CHM: variants seen among roughly 807,000 people sequenced by gnomAD.
CHM encodes CHM Rab escort protein.
A neutral mutation model predicts 49.0 loss-of-function variants in CHM; 10 were observed. The observed-to-expected ratio is 0.20, with a 90% CI of 0.13 to 0.35. The LOEUF (loss-of-function observed/expected upper bound fraction) is 0.35, where lower values mean the gene tolerates loss of function less well. CHM is among the 10% of genes least tolerant of loss of function. CHM has a pLI of 1.00. For synonymous variants in CHM, 184 were observed against 167.5 expected, an observed-to-expected ratio of 1.10 and a Z score of -0.76; for missense variants, 455 against 478.4, an observed-to-expected ratio of 0.95 and a Z score of 0.46.
At chrX:85,916,586 A>G (rs763020116) in intron 8 of CHM, among the ~76,000 whole-genome samples, 1 of 112,222 alleles carries the variant, frequency 8.9e-6, no homozygotes, top group East Asian at 2.8e-4. Flanking sequence ...TAAGGAACTT[A>G]AAGTAATTTA....
chrX:85,911,450 T>C (rs1011725830), intron 8 of CHM, 112 bp from the exon 9 acceptor site: 1 of 317,232 alleles, frequency 3.2e-6, no homozygotes, highest in Non-Finnish European at 6.0e-6. Flanking sequence ...GAAAAAACAT[T>C]TTGATAATGT....
rs891277950 is a variant in CHM at position 85,942,659 on chromosome X, T to G, written c.1166+13494A>C. Among the ~76,000 whole-genome samples, 44 of 111,109 alleles carry G rather than the reference T, an allele frequency of 4.0e-4. 1 individual carries two copies. The highest frequency in any genetic ancestry group is 1.3e-3 in the African/African-American group (41 of 30,610). The stretch of plus-strand genomic sequence containing the variant: ...TCAAATCTACCCATTTGACGCAGGG[T>G]CAGTTTCTGCACCTAGATTTAGCTA... On this transcript the variant is annotated intron_variant, in intron 8 of 14. Transcript: ENST00000357749.
chrX:85,989,490 T>C (rs1932076055), intron 2 of CHM, among the ~76,000 whole-genome samples: 1 of 111,635 alleles, frequency 9.0e-6, no homozygotes, highest in Non-Finnish European at 1.9e-5. Flanking sequence ...AAAGCAAAAA[T>C]TGACAAGTGG....
At chrX:85,914,671 C>A (rs1032172401) in intron 8 of CHM, among the ~76,000 whole-genome samples, 2 of 111,098 alleles carry the variant, frequency 1.8e-5, no homozygotes, top group Admixed American at 9.6e-5. Context: ...CTTCCCTCAG[C>A]GATACCATTG....
chrX:85,962,680 C>T (rs73630485), intron 5 of CHM, among the ~76,000 whole-genome samples: 1,346 of 111,740 alleles, frequency 0.012, 16 homozygotes, highest in African/African-American at 0.041. Context: ...TTATTGTTAG[C>T]TCTCAACTTA....
At chrX:86,006,026 G>C (rs377232048) in intron 2 of CHM, among the ~76,000 whole-genome samples, 1 of 111,384 alleles carries the variant, frequency 9.0e-6, no homozygotes, top group East Asian at 2.8e-4. Flanking sequence ...AAAATACTGG[G>C]AAACCGAATA....
chrX:85,929,904 C>G (rs1176171160), intron 8 of CHM, among the ~76,000 whole-genome samples: 1 of 109,810 alleles, frequency 9.1e-6, no homozygotes, highest in African/African-American at 3.3e-5. Flanking sequence ...GAGTTCGAGA[C>G]CAGCCTGGCC....
intron 8 of CHM, among the ~76,000 whole-genome samples, chrX:85,928,278 C>G (rs1488467105): frequency 2.7e-5 from 3 of 112,065 alleles, no homozygotes; most frequent in Non-Finnish European, 3.8e-5. Context: ...CGCGGTGGCT[C>G]AGGCCTGTAG....
At chrX:86,005,037 A>G (rs949278179) in intron 2 of CHM, among the ~76,000 whole-genome samples, 1 of 112,286 alleles carries the variant, frequency 8.9e-6, no homozygotes, top group Non-Finnish European at 1.9e-5. Context: ...AGCAAATGTA[A>G]AAGAACAGAA....
At chrX:85,876,366 G>T (rs1924413664) in intron 13 of CHM, among the ~76,000 whole-genome samples, 1 of 111,658 alleles carries the variant, frequency 9.0e-6, no homozygotes, top group Non-Finnish European at 1.9e-5. Flanking sequence ...AAAGCATAAG[G>T]TATTATATGA....
chrX:85,928,998 G>C (rs1434084847), intron 8 of CHM, among the ~76,000 whole-genome samples: 3 of 111,753 alleles, frequency 2.7e-5, no homozygotes, highest in Non-Finnish European at 5.6e-5. Context: ...CTATATAAAA[G>C]CAATAAAGCA....
chrX:85,915,556 T>C (rs991762287), intron 8 of CHM, among the ~76,000 whole-genome samples: 3 of 112,047 alleles, frequency 2.7e-5, no homozygotes, highest in Non-Finnish European at 5.6e-5. Context: ...AACCCCATAG[T>C]CTCAGCCAAA....
chrX:86,023,501 T>C (rs1933688478), intron 2 of CHM, among the ~76,000 whole-genome samples: 1 of 111,538 alleles, frequency 9.0e-6, no homozygotes, highest in Non-Finnish European at 1.9e-5. Context: ...ACTGAGTTAG[T>C]TGTCCCCCTA....
chrX:85,920,911 C>T (rs1231860010), intron 8 of CHM, among the ~76,000 whole-genome samples: 1 of 112,041 alleles, frequency 8.9e-6, no homozygotes, highest in East Asian at 2.8e-4. Context: ...AAAATTATTA[C>T]AAAGAGTAAA....
intron 8 of CHM, among the ~76,000 whole-genome samples, chrX:85,955,560 G>T (rs1456514399): frequency 8.9e-6 from 1 of 112,107 alleles, no homozygotes; most frequent in African/African-American, 3.2e-5. Flanking sequence ...GAGTTAGGTT[G>T]ACAAAAAAAT....
chrX:86,001,846 T>C (rs1036027103), intron 2 of CHM, among the ~76,000 whole-genome samples: 2 of 110,826 alleles, frequency 1.8e-5, no homozygotes, highest in South Asian at 3.8e-4. Context: ...AAAAAAGTTG[T>C]TGTTAAAGTG....
chrX:86,031,708 C>T (rs1261680363), intron 1 of CHM, among the ~76,000 whole-genome samples: 1 of 49,011 alleles, frequency 2.0e-5, no homozygotes, highest in African/African-American at 7.8e-5. Context: ...GGCGCGGTGG[C>T]GCATGCCCAT....
intron 1 of CHM, among the ~76,000 whole-genome samples, chrX:86,042,726 G>GGTGGGA (rs1472532489): frequency 9.0e-6 from 1 of 110,676 alleles, no homozygotes; most frequent in East Asian, 2.8e-4. Context: ...AGGAGTCTGA[G>GGTGGGA]GTGGGAGGAT....
intron 8 of CHM, among the ~76,000 whole-genome samples, chrX:85,926,219 C>G (rs1343017473): frequency 1.8e-5 from 2 of 111,463 alleles, no homozygotes; most frequent in African/African-American, 6.5e-5. Flanking sequence ...CACCCCCTTC[C>G]TTCCATATTG....
Sources: gnomAD v4.1 joint callset for allele counts (sites outside exome capture counted in the v4.1 genomes callset) on GRCh38, gnomAD v4.1.1 for gene constraint, MANE v1.5 for transcripts, NCBI Gene and HGNC (gene_info 2026-07-23, HGNC 2026-07-21) for gene names.